Variants in KCNIP4 observed in about 807,000 individuals in gnomAD.
KCNIP4 encodes the protein potassium voltage-gated channel interacting protein 4.
In KCNIP4, 12 loss-of-function variants were observed where a neutral mutation model predicts 34.0. The ratio of observed to expected loss-of-function variants is 0.35; its 90% confidence interval spans 0.23 to 0.57. The LOEUF (loss-of-function observed/expected upper bound fraction) is 0.57. Ranked by LOEUF, KCNIP4 falls within the 20% of genes least tolerant of loss-of-function variation. The probability of loss-of-function intolerance (pLI) is 0.83; values close to 1 mark genes in which losing one functional copy is unlikely to be tolerated. For missense variants in KCNIP4, 238 were observed against 311.7 expected (o/e 0.76, Z 1.78); for synonymous variants, 124 against 102.2 (o/e 1.21, Z -1.29).
intron 1 of KCNIP4, among the ~76,000 whole-genome samples, chr4:21,339,718 G>A (rs1159262763): frequency 6.6e-6 from 1 of 152,114 alleles, no homozygotes; most frequent in Admixed American, 6.5e-5. Context: ...AATTGGTGCT[G>A]CCAGAAAAGC....
chr4:21,643,645 T>C (rs1746781609), intron 1 of KCNIP4, among the ~76,000 whole-genome samples: 1 of 152,178 alleles, frequency 6.6e-6, no homozygotes, highest in Non-Finnish European at 1.5e-5. Context: ...ATTGTGTGGA[T>C]GGGCCTGATT....
At position 21,510,566 on chromosome 4, in the gene KCNIP4, G is replaced by C. The variant is rs965263313; in HGVS notation, c.61+438005C>G. Among the ~76,000 whole-genome samples, 6 of 152,114 alleles carry C rather than the reference G, an allele frequency of 3.9e-5. No individual in the cohort carries two copies. The South Asian group carries it at 8.3e-4, about 21-fold the overall frequency. On this transcript the variant is annotated intron_variant, in intron 1 of 8. Transcript: ENST00000382152. ...TCTGATAACACAATGGAATAATGTG[G>C]GTTCTAGTTTTATCCAAATTCTGCC...
At chr4:21,009,331 G>A (rs1007245973) in intron 1 of KCNIP4, among the ~76,000 whole-genome samples, 3 of 152,210 alleles carry the variant, frequency 2.0e-5, no homozygotes, top group African/African-American at 7.2e-5. Context: ...GGCTTTGCAA[G>A]TGAGTGTCAA....
At chr4:21,197,096 A>AT (rs1030866998) in intron 1 of KCNIP4, among the ~76,000 whole-genome samples, 15 of 152,268 alleles carry the variant, frequency 9.9e-5, no homozygotes, top group African/African-American at 3.4e-4. Flanking sequence ...ACAGAGATGT[A>AT]TTTTTTTAAA....
intron 1 of KCNIP4, among the ~76,000 whole-genome samples, chr4:21,815,148 T>C (rs552315565): frequency 6.6e-6 from 1 of 152,272 alleles, no homozygotes; most frequent in East Asian, 1.9e-4. Context: ...TCTAAAACCA[T>C]CTGCCTGGAT....
chr4:21,759,167 A>G (rs1717877893), intron 1 of KCNIP4, among the ~76,000 whole-genome samples: 1 of 152,166 alleles, frequency 6.6e-6, no homozygotes, highest in African/African-American at 2.4e-5. Context: ...AATCTTCCCT[A>G]ATAGAACAAT....
At chr4:20,891,669 T>C (rs1334026376) in intron 1 of KCNIP4, among the ~76,000 whole-genome samples, 1 of 152,140 alleles carries the variant, frequency 6.6e-6, no homozygotes, top group East Asian at 1.9e-4. Context: ...CCCATCTGTG[T>C]TCTTTGAGTC....
At chr4:21,750,809 G>A (rs149040410) in intron 1 of KCNIP4, among the ~76,000 whole-genome samples, 246 of 152,182 alleles carry the variant, frequency 1.6e-3, no homozygotes, top group African/African-American at 5.6e-3. Context: ...GAGAAGGTAG[G>A]CTACTAATGT....
intron 1 of KCNIP4, among the ~76,000 whole-genome samples, chr4:20,937,964 T>A (rs6831922): frequency 0.67 from 101,602 of 152,146 alleles, 34,473 homozygotes; most frequent in East Asian, 0.77. Context: ...GAAAGTACTA[T>A]ACAATGACTT....
chr4:21,684,973 T>A (rs1481443798), intron 1 of KCNIP4, among the ~76,000 whole-genome samples: 1 of 152,224 alleles, frequency 6.6e-6, no homozygotes, highest in Non-Finnish European at 1.5e-5. Context: ...TTAGCAAGAA[T>A]ACATATTGCA....
At chr4:21,122,806 G>C (rs969696150) in intron 1 of KCNIP4, among the ~76,000 whole-genome samples, 2 of 152,172 alleles carry the variant, frequency 1.3e-5, no homozygotes, top group Non-Finnish European at 1.5e-5. Context: ...ACTGAGTCTG[G>C]TACCTTGCTC....
chr4:21,509,837 G>T (rs1440999835), intron 1 of KCNIP4, among the ~76,000 whole-genome samples: 1 of 152,004 alleles, frequency 6.6e-6, no homozygotes, highest in African/African-American at 2.4e-5. Context: ...CAACAATCTG[G>T]CCAGGAGCAG....
intron 1 of KCNIP4, among the ~76,000 whole-genome samples, chr4:20,904,816 G>T (rs1167336311): frequency 1.3e-5 from 2 of 152,066 alleles, no homozygotes; most frequent in Admixed American, 1.3e-4. Context: ...CAATCTATGA[G>T]GTAACAATTT....
At chr4:21,071,184 G>C (rs1744883042) in intron 1 of KCNIP4, among the ~76,000 whole-genome samples, 1 of 152,102 alleles carries the variant, frequency 6.6e-6, no homozygotes, top group Non-Finnish European at 1.5e-5. Context: ...AGGTCCTGAA[G>C]ATTTTCTCCC....
intron 1 of KCNIP4, among the ~76,000 whole-genome samples, chr4:20,984,881 C>T (rs1315039140): frequency 5.3e-5 from 8 of 152,070 alleles, no homozygotes; most frequent in Non-Finnish European, 8.8e-5. Flanking sequence ...ATTAAAACCA[C>T]GCTCATCAGA....
intron 1 of KCNIP4, among the ~76,000 whole-genome samples, chr4:21,776,527 T>C (rs1232946070): frequency 6.6e-6 from 1 of 152,108 alleles, no homozygotes; most frequent in East Asian, 1.9e-4. Flanking sequence ...CCACAGAAAA[T>C]CATCTAATTT....
rs1734663832 is a variant in KCNIP4 at position 21,515,333 on chromosome 4, TTG to T, written c.61+433236_61+433237del. ...GTTGGAAACTTAATTCCCAGTGCAT[TTG>T]TGTTAAGAAGTAGGAACTTTAGGCT... On this transcript the variant is annotated intron_variant, in intron 1 of 8. Transcript: ENST00000382152. 2.0e-5 allele frequency among the ~76,000 whole-genome samples: 3 copies of T among 152,232 alleles called. No homozygotes were observed. The South Asian group carries it at 6.2e-4, about 32-fold the overall frequency.
intron 1 of KCNIP4, among the ~76,000 whole-genome samples, chr4:21,456,414 A>G (rs1007557219): frequency 2.0e-5 from 3 of 148,010 alleles, no homozygotes; most frequent in African/African-American, 7.9e-5. Flanking sequence ...ATAATTAGGA[A>G]TACAGTTACA....
chr4:21,393,059 T>G (rs554860597), intron 1 of KCNIP4, among the ~76,000 whole-genome samples: 18 of 152,286 alleles, frequency 1.2e-4, no homozygotes, highest in African/African-American at 4.3e-4. Context: ...GGAATCAAAT[T>G]TGTTGTGATG....
Sources: gnomAD v4.1 joint callset for allele counts (sites outside exome capture counted in the v4.1 genomes callset) on GRCh38, gnomAD v4.1.1 for gene constraint, MANE v1.5 for transcripts, NCBI Gene and HGNC (gene_info 2026-07-23, HGNC 2026-07-21) for gene names.